ROR2: variants seen among roughly 807,000 people sequenced by gnomAD.
The protein encoded by ROR2 is tyrosine-protein kinase transmembrane receptor ROR2.
Under a neutral mutation model 74.9 loss-of-function variants are expected in ROR2, and 33 were observed. The observed-to-expected ratio is 0.44, with a 90% CI of 0.33 to 0.59. The LOEUF (loss-of-function observed/expected upper bound fraction) is 0.59, where lower values mean the gene tolerates loss of function less well. ROR2 is among the 20% of genes least tolerant of loss of function. The pLI is 0.02. For missense variants in ROR2, 1,216 were observed against 1,313.8 expected, an observed-to-expected ratio of 0.93 and a Z score of 1.15; for synonymous variants, 586 against 558.7, an observed-to-expected ratio of 1.05 and a Z score of -0.69.
intron 1 of ROR2, among the ~76,000 whole-genome samples, chr9:91,864,358 C>T (rs181216914): frequency 9.8e-5 from 15 of 152,310 alleles, no homozygotes; most frequent in South Asian, 2.1e-4. Context: ...CACAAGCCCA[C>T]GCTGGGCCCC....
In ROR2 at chr9:91,903,171, C is replaced by T. The variant is rs78991028; in HGVS notation, c.97+46696G>A. On this transcript the variant is annotated intron_variant, in intron 1 of 8. Coordinates refer to ENST00000375708, the MANE Select transcript of ROR2 (RefSeq NM_004560.4). Reference sequence around the variant, plus strand: ...AAAGCAAATAAAAAAAATACATGTTCTCCCCTAAAGTATGAGTGCATGGAA... The same window carrying T: ...AAAGCAAATAAAAAAAATACATGTTTTCCCCTAAAGTATGAGTGCATGGAA... Among the ~76,000 whole-genome samples the T allele has an allele frequency of 2.9e-3, 443 of 152,238 alleles. 3 individuals are homozygous for T. Among genetic ancestry groups the T allele is most frequent in the African/African-American group, 0.01 (417 of 41,550 alleles).
chr9:91,891,636 T>C (rs1334308706), intron 1 of ROR2, among the ~76,000 whole-genome samples: 2 of 152,184 alleles, frequency 1.3e-5, no homozygotes, highest in African/African-American at 4.8e-5. Context: ...TTGTTGTCCA[T>C]ATTCCGTTCC....
intron 2 of ROR2, among the ~76,000 whole-genome samples, chr9:91,757,895 G>T (rs1825812037): frequency 1.3e-5 from 2 of 152,004 alleles, no homozygotes; most frequent in South Asian, 4.1e-4. Context: ...CCTTCACATT[G>T]AACCCATGGC....
chr9:91,813,698 G>A (rs904407783), intron 1 of ROR2, among the ~76,000 whole-genome samples: 4 of 152,098 alleles, frequency 2.6e-5, no homozygotes, highest in South Asian at 2.1e-4. Flanking sequence ...CCTCAGCTGC[G>A]CTTTGCCACT....
intron 1 of ROR2, among the ~76,000 whole-genome samples, chr9:91,836,431 T>C (rs1238156747): frequency 6.6e-6 from 1 of 151,938 alleles, no homozygotes; most frequent in Non-Finnish European, 1.5e-5. Context: ...TCCCAGCTAC[T>C]TGGGAGGCTG....
chr9:91,779,386 T>G (rs1338670042), intron 1 of ROR2, among the ~76,000 whole-genome samples: 1 of 136,310 alleles, frequency 7.3e-6, no homozygotes, highest in Middle Eastern at 3.7e-3. Context: ...TTTTTTTTTT[T>G]CGAGACAGAG....
At position 91,905,121 on chromosome 9, in the gene ROR2, T is replaced by A. The variant is rs1230986944; in HGVS notation, c.97+44746A>T. ...AAACTCATACACCACAAACCACATA[T>A]CACACACACACCCCCCACACAAATA... On this transcript the variant is annotated intron_variant, in intron 1 of 8. Coordinates refer to ENST00000375708, the MANE Select transcript of ROR2 (RefSeq NM_004560.4). The surrounding 1 kb of genome is among the most constrained non-coding windows in gnomAD (Gnocchi z 5.3). Among the ~76,000 whole-genome samples, 3 of 145,736 alleles carry A rather than the reference T, an allele frequency of 2.1e-5. No homozygotes were observed. The highest frequency in any genetic ancestry group is 7.7e-5 in the African/African-American group (3 of 38,948).
chr9:91,819,328 C>A (rs1179377636), intron 1 of ROR2, among the ~76,000 whole-genome samples: 1 of 152,226 alleles, frequency 6.6e-6, no homozygotes, highest in Non-Finnish European at 1.5e-5. Context: ...TTCCCAGATG[C>A]CAACCTTCGG....
chr9:91,898,336 T>C (rs187383631), intron 1 of ROR2, among the ~76,000 whole-genome samples: 86 of 152,278 alleles, frequency 5.6e-4, no homozygotes, highest in Middle Eastern at 3.4e-3. Flanking sequence ...CTGTGCTTAG[T>C]GCTGGGTGCA....
intron 1 of ROR2, among the ~76,000 whole-genome samples, chr9:91,849,011 C>T (rs1234539507): frequency 6.6e-6 from 1 of 152,230 alleles, no homozygotes; most frequent in East Asian, 1.9e-4. Context: ...CATTCCCCAG[C>T]CCTAAGTGCA....
chr9:91,747,168 A>G (rs952638808), intron 4 of ROR2, among the ~76,000 whole-genome samples: 2 of 152,246 alleles, frequency 1.3e-5, no homozygotes, highest in African/African-American at 4.8e-5. Context: ...GTCAGCTTGG[A>G]TAACCCGGGC....
chr9:91,860,925 G>T (rs904996729), intron 1 of ROR2, among the ~76,000 whole-genome samples: 1 of 151,972 alleles, frequency 6.6e-6, no homozygotes, highest in Non-Finnish European at 1.5e-5. Context: ...TATACAAAAC[G>T]AATATACAAA....
At chr9:91,792,962 G>A (rs1350871974) in intron 1 of ROR2, among the ~76,000 whole-genome samples, 3 of 152,070 alleles carry the variant, frequency 2.0e-5, no homozygotes, top group Non-Finnish European at 4.4e-5. Context: ...AGGACTAAAA[G>A]GCTTTCCTCG....
intron 1 of ROR2, among the ~76,000 whole-genome samples, chr9:91,915,635 G>A (rs964608851): frequency 6.6e-6 from 1 of 150,610 alleles, no homozygotes; most frequent in Non-Finnish European, 1.5e-5. Context: ...TGCTGCTGCT[G>A]TCTTGGGGGA....
intron 8 of ROR2, among the ~76,000 whole-genome samples, chr9:91,725,394 C>T (rs922955615): frequency 2.0e-5 from 3 of 152,182 alleles, no homozygotes; most frequent in African/African-American, 7.2e-5. Context: ...ACACTGACTT[C>T]CTTCCCACTT....
chr9:91,859,151 C>CAGGATGG (rs1829390652), intron 1 of ROR2, among the ~76,000 whole-genome samples: 2 of 151,530 alleles, frequency 1.3e-5, no homozygotes, highest in South Asian at 4.2e-4. Flanking sequence ...GACCCTAGGC[C>CAGGATGG]AGGATGGAAC....
intron 1 of ROR2, among the ~76,000 whole-genome samples, chr9:91,909,267 C>T (rs765113816): frequency 3.9e-4 from 60 of 152,148 alleles, no homozygotes; most frequent in Non-Finnish European, 6.3e-4. Flanking sequence ...CCTCTGCATC[C>T]TCTTCTTATT....
At chr9:91,862,116 G>A (rs1320908973) in intron 1 of ROR2, among the ~76,000 whole-genome samples, 1 of 152,094 alleles carries the variant, frequency 6.6e-6, no homozygotes, top group Non-Finnish European at 1.5e-5. Flanking sequence ...GAGGTCAGGA[G>A]ATCAAGACCA....
intron 1 of ROR2, among the ~76,000 whole-genome samples, chr9:91,911,804 A>G (rs1458488310): frequency 6.6e-6 from 1 of 152,146 alleles, no homozygotes; most frequent in Non-Finnish European, 1.5e-5. Context: ...AATCTGGCAG[A>G]TAGCTCCTTA....
Sources: gnomAD v4.1 joint callset for allele counts (sites outside exome capture counted in the v4.1 genomes callset) on GRCh38, gnomAD v4.1.1 for gene constraint, Gnocchi (gnomAD v3.1) non-coding constraint, MANE v1.5 for transcripts, NCBI Gene and HGNC (gene_info 2026-07-23, HGNC 2026-07-21) for gene names.